RABGAP1L: variants seen among roughly 807,000 people sequenced by gnomAD.
RABGAP1L encodes RAB GTPase activating protein 1 like.
RABGAP1L carries 63 observed loss-of-function variants against 137.7 expected under a neutral mutation model. The observed-to-expected ratio is 0.46, with a 90% CI of 0.37 to 0.56. The LOEUF is 0.56. RABGAP1L is among the 20% of genes least tolerant of loss of function. The probability of loss-of-function intolerance (pLI) is 0.00; values close to 1 mark genes in which losing one functional copy is unlikely to be tolerated. For missense variants in RABGAP1L, 1,095 were observed against 1,244.0 expected (o/e 0.88, Z 1.80); for synonymous variants, 431 against 433.7 (o/e 0.99, Z 0.08).
chr1:174,789,735 G>A (rs1687713790), intron 18 of RABGAP1L, among the ~76,000 whole-genome samples: 1 of 152,066 alleles, frequency 6.6e-6, no homozygotes, highest in South Asian at 2.1e-4. Flanking sequence ...GAGGTTCTAA[G>A]GCCCTGTAAA....
chr1:174,330,850 A>G (rs1680969990), intron 11 of RABGAP1L, among the ~76,000 whole-genome samples: 1 of 152,208 alleles, frequency 6.6e-6, no homozygotes, highest in Non-Finnish European at 1.5e-5. Flanking sequence ...TTAAATTCAT[A>G]TGGAGCCACA....
chr1:174,646,392 G>C (rs1014828326), intron 14 of RABGAP1L, among the ~76,000 whole-genome samples: 4 of 152,068 alleles, frequency 2.6e-5, no homozygotes, highest in African/African-American at 9.7e-5. Context: ...TTTTGTATAA[G>C]ATTTAAGTAA....
chr1:174,558,458 C>T (rs116559823), intron 13 of RABGAP1L, among the ~76,000 whole-genome samples: 223 of 152,228 alleles, frequency 1.5e-3, no homozygotes, highest in African/African-American at 5.3e-3. Flanking sequence ...CAAGAGTTAC[C>T]CTAGAGAGAC....
intron 13 of RABGAP1L, among the ~76,000 whole-genome samples, chr1:174,506,551 T>C (rs1215775991): frequency 6.6e-6 from 1 of 152,196 alleles, no homozygotes; most frequent in Non-Finnish European, 1.5e-5. Flanking sequence ...CGATTCCATT[T>C]ACAATAGCTA....
intron 13 of RABGAP1L, among the ~76,000 whole-genome samples, chr1:174,520,231 ACT>A (rs1663245027): frequency 6.6e-6 from 1 of 152,228 alleles, no homozygotes; most frequent in South Asian, 2.1e-4. Context: ...TGAGAGCAAA[ACT>A]CTTGCTATAG....
At chr1:174,714,914 T>G (rs1379811291) in intron 17 of RABGAP1L, among the ~76,000 whole-genome samples, 1 of 152,182 alleles carries the variant, frequency 6.6e-6, no homozygotes, top group Non-Finnish European at 1.5e-5. Context: ...AGTAGACATT[T>G]GATAAATGTA....
rs528581820 is a variant in RABGAP1L at position 174,221,066 on chromosome 1, A to G, written c.233A>G (p.Gln78Arg). 121 of 1,614,012 alleles carry G rather than the reference A, an allele frequency of 7.5e-5. 1 individual carries two copies. In the South Asian group the frequency reaches 1.3e-3, roughly 17 times the overall value. The change falls in exon 3 of 26, where the codon CAA becomes CGA. Residue 78 changes from glutamine to arginine, a missense_variant. By Grantham distance (43) the Gln-to-Arg change is conservative. This residue lies in a region of RABGAP1L where 356 missense variants were observed against 326.3 expected (regional missense o/e 1.09). Coordinates refer to ENST00000681986, the MANE Select transcript of RABGAP1L (RefSeq NM_001366446.1). ...CCAAGCAGTCTTCTTGTTGATTGTC[A>G]AAGTTCCAGTGAGATTTCAGACCAT... ...KRPSSLLVDCQSSSEISDHSF... is the reference protein window; with the variant it reads ...KRPSSLLVDCRSSSEISDHSF...
intron 13 of RABGAP1L, among the ~76,000 whole-genome samples, chr1:174,462,337 T>C (rs1258229337): frequency 2.0e-5 from 3 of 152,200 alleles, no homozygotes; most frequent in Admixed American, 6.5e-5. Flanking sequence ...AATCTATACA[T>C]CTGTTTTACA....
chr1:174,754,891 A>G (rs959185660), intron 18 of RABGAP1L, among the ~76,000 whole-genome samples: 4 of 152,222 alleles, frequency 2.6e-5, no homozygotes, highest in Non-Finnish European at 4.4e-5. Flanking sequence ...ATTTCTTGTG[A>G]TGAGGGGACA....
At chr1:174,461,801 A>G (rs1332145731) in intron 13 of RABGAP1L, among the ~76,000 whole-genome samples, 1 of 152,190 alleles carries the variant, frequency 6.6e-6, no homozygotes, top group Non-Finnish European at 1.5e-5. Context: ...CATTTAATAT[A>G]GCTTCCCACT....
chr1:174,614,176 G>C (rs1671556317), intron 13 of RABGAP1L, among the ~76,000 whole-genome samples: 1 of 150,648 alleles, frequency 6.6e-6, no homozygotes, highest in African/African-American at 2.5e-5. Context: ...AATTTGGCAT[G>C]ATTTTGCAGT....
At chr1:174,620,777 C>T (rs571152742) in intron 13 of RABGAP1L, among the ~76,000 whole-genome samples, 1 of 151,996 alleles carries the variant, frequency 6.6e-6, no homozygotes, top group South Asian at 2.1e-4. Flanking sequence ...CAAAATATAA[C>T]TAAGATCAGA....
intron 13 of RABGAP1L, among the ~76,000 whole-genome samples, chr1:174,581,720 T>C (rs1452641545): frequency 6.6e-6 from 1 of 152,204 alleles, no homozygotes; most frequent in African/African-American, 2.4e-5. Context: ...AATAAATTTA[T>C]TTTTTAAACA....
intron 13 of RABGAP1L, among the ~76,000 whole-genome samples, chr1:174,588,402 T>G (rs1284784827): frequency 6.6e-6 from 1 of 152,012 alleles, no homozygotes; most frequent in Non-Finnish European, 1.5e-5. Context: ...TGACCTCAGG[T>G]GATCCGCTTG....
intron 11 of RABGAP1L, among the ~76,000 whole-genome samples, chr1:174,347,497 G>T (rs61828633): frequency 0.38 from 39,726 of 104,754 alleles, 5,580 homozygotes; most frequent in African/African-American, 0.54. Flanking sequence ...GTGTGTGTGT[G>T]TGTTTTTTTC....
At chr1:174,315,326 T>A (rs1286810168) in intron 11 of RABGAP1L, among the ~76,000 whole-genome samples, 1 of 152,190 alleles carries the variant, frequency 6.6e-6, no homozygotes, top group African/African-American at 2.4e-5. Flanking sequence ...GTTTGTTTTC[T>A]TGTTTCAGTT....
In RABGAP1L at chr1:174,581,135, A is replaced by G. The variant is rs898322143; in HGVS notation, c.1711-56240A>G. Among the ~76,000 whole-genome samples the G allele has an allele frequency of 3.3e-5, 5 of 152,226 alleles. No homozygotes were observed. The East Asian group carries it at 5.8e-4, about 18-fold the overall frequency. On this transcript the variant is annotated intron_variant, in intron 13 of 25. Transcript: ENST00000681986. ...GACACTTCCTCAAAAGATTAGATAT[A>G]TAGTTACCATATGACCCAGCAATTC...
At chr1:174,459,597 T>G (rs1369786903) in intron 13 of RABGAP1L, among the ~76,000 whole-genome samples, 2 of 152,144 alleles carry the variant, frequency 1.3e-5, no homozygotes, top group Non-Finnish European at 2.9e-5. Context: ...ATTAGTTGTA[T>G]TGTTTAGGGA....
At chr1:174,935,984 C>CAAAAAA (rs58215269) in intron 19 of RABGAP1L, among the ~76,000 whole-genome samples, 18 of 43,154 alleles carry the variant, frequency 4.2e-4, no homozygotes, top group Non-Finnish European at 5.2e-4. Flanking sequence ...TCCATCTCAC[C>CAAAAAA]AAAAAAAAAA....
Sources: gnomAD v4.1 joint callset for allele counts (sites outside exome capture counted in the v4.1 genomes callset) on GRCh38, gnomAD v4.1.1 for gene constraint, gnomAD v4.1.1 regional missense constraint, MANE v1.5 for transcripts, NCBI Gene and HGNC (gene_info 2026-07-23, HGNC 2026-07-21) for gene names.